Variants in CTNNA3 observed in about 807,000 individuals in gnomAD.
CTNNA3 encodes catenin alpha-3.
In CTNNA3, 76 loss-of-function variants were observed where a neutral mutation model predicts 95.7. The ratio of observed to expected loss-of-function variants is 0.79; its 90% CI spans 0.66 to 0.96. CTNNA3 has a LOEUF of 0.96. CTNNA3 is among the 40% of genes least tolerant of loss of function. The pLI is 0.00. For synonymous variants in CTNNA3, 431 were observed against 374.4 expected (o/e 1.15, Z -1.74); for missense variants, 1,191 against 1,089.8 (o/e 1.09, Z -1.31).
intron 3 of CTNNA3, among the ~76,000 whole-genome samples, chr10:67,562,151 C>T (rs1385954044): frequency 6.6e-6 from 1 of 152,200 alleles, no homozygotes; most frequent in Non-Finnish European, 1.5e-5. Flanking sequence ...AGGTCAGCAT[C>T]ATCCTGATAC....
chr10:66,395,723 T>C (rs1409684280), intron 11 of CTNNA3, among the ~76,000 whole-genome samples: 1 of 152,008 alleles, frequency 6.6e-6, no homozygotes, highest in East Asian at 1.9e-4. Context: ...CTGAACAAGA[T>C]CCCAATTTCA....
chr10:65,978,411 C>T (rs1257870783), intron 16 of CTNNA3, among the ~76,000 whole-genome samples: 1 of 151,178 alleles, frequency 6.6e-6, no homozygotes, highest in Non-Finnish European at 1.5e-5. Flanking sequence ...CACCAGCCTT[C>T]CCAGACTGTA....
intron 12 of CTNNA3, among the ~76,000 whole-genome samples, chr10:66,330,347 G>T (rs2092310067): frequency 6.6e-6 from 1 of 151,452 alleles, no homozygotes; most frequent in Admixed American, 6.6e-5. Flanking sequence ...GCCATAGTTT[G>T]CTAAGAATGA....
chr10:66,949,421 G>T (rs1323961736), intron 7 of CTNNA3, among the ~76,000 whole-genome samples: 1 of 152,180 alleles, frequency 6.6e-6, no homozygotes, highest in Non-Finnish European at 1.5e-5. Context: ...AGCCTGGCGT[G>T]TTGGCATATG....
intron 16 of CTNNA3, among the ~76,000 whole-genome samples, chr10:65,975,716 G>A (rs1284084567): frequency 2.0e-5 from 3 of 152,078 alleles, no homozygotes; most frequent in Non-Finnish European, 4.4e-5. Flanking sequence ...ATTTTAATTA[G>A]ATCTATTATT....
chr10:66,791,616 G>T (rs1284557207), intron 7 of CTNNA3, among the ~76,000 whole-genome samples: 1 of 152,078 alleles, frequency 6.6e-6, no homozygotes, highest in African/African-American at 2.4e-5. Flanking sequence ...TCCCCCAATA[G>T]ATATGAAAAT....
At chr10:66,462,843 CATT>C (rs1396155446) in intron 11 of CTNNA3, among the ~76,000 whole-genome samples, 10 of 152,038 alleles carry the variant, frequency 6.6e-5, no homozygotes, top group African/African-American at 2.4e-4. Flanking sequence ...TTCACAGTAT[CATT>C]ATAAATTTAA....
intron 11 of CTNNA3, among the ~76,000 whole-genome samples, chr10:66,409,460 T>C (rs2093084420): frequency 6.6e-6 from 1 of 152,156 alleles, no homozygotes; most frequent in South Asian, 2.1e-4. Flanking sequence ...TCTTCTTGGT[T>C]CAATAGTTAC....
At chr10:66,294,242 G>A (rs1307771770) in intron 12 of CTNNA3, among the ~76,000 whole-genome samples, 1 of 151,988 alleles carries the variant, frequency 6.6e-6, no homozygotes, top group Non-Finnish European at 1.5e-5. Flanking sequence ...TTTATCATCC[G>A]GTCATAATTA....
chr10:66,522,553 G>A (rs768832171), intron 10 of CTNNA3, among the ~76,000 whole-genome samples: 98 of 151,836 alleles, frequency 6.5e-4, no homozygotes, highest in Non-Finnish European at 1.1e-3. Flanking sequence ...CTGCCGCTAC[G>A]TAAAGAAGGA....
chr10:67,391,935 C>CA (rs1322136332), intron 5 of CTNNA3, among the ~76,000 whole-genome samples: 2 of 150,906 alleles, frequency 1.3e-5, no homozygotes, highest in Non-Finnish European at 2.9e-5. Context: ...AACGTTAGAC[C>CA]TAAAACCATA....
chr10:66,490,002 A>G (rs1409725561), intron 11 of CTNNA3, among the ~76,000 whole-genome samples: 1 of 152,200 alleles, frequency 6.6e-6, no homozygotes, highest in African/African-American at 2.4e-5. Flanking sequence ...TATTGTCAGC[A>G]TAGAGTAAAG....
At chr10:67,500,540 A>G (rs1407044500) in intron 5 of CTNNA3, among the ~76,000 whole-genome samples, 1 of 152,146 alleles carries the variant, frequency 6.6e-6, no homozygotes, top group East Asian at 1.9e-4. Context: ...AAAGTCTCCC[A>G]CTATTATTGT....
At chr10:67,707,313 T>C (rs1841083981) in intron 1 of CTNNA3, among the ~76,000 whole-genome samples, 1 of 152,176 alleles carries the variant, frequency 6.6e-6, no homozygotes, top group Non-Finnish European at 1.5e-5. Flanking sequence ...TCAACCTCTT[T>C]TACCTCAACT....
intron 7 of CTNNA3, among the ~76,000 whole-genome samples, chr10:67,094,087 G>A (rs920694975): frequency 1.3e-5 from 2 of 151,918 alleles, no homozygotes; most frequent in Non-Finnish European, 2.9e-5. Flanking sequence ...AACATATGAT[G>A]TTGATATAGA....
intron 5 of CTNNA3, among the ~76,000 whole-genome samples, chr10:67,450,683 T>C (rs1057002886): frequency 6.6e-6 from 1 of 152,056 alleles, no homozygotes; most frequent in African/African-American, 2.4e-5. Context: ...TATTGGGTAC[T>C]AGGCTTAATA....
intron 5 of CTNNA3, among the ~76,000 whole-genome samples, chr10:67,315,552 G>A (rs1841009770): frequency 6.6e-6 from 1 of 152,016 alleles, no homozygotes. Context: ...TTAGTAAAAA[G>A]CACTTACAAG....
intron 16 of CTNNA3, among the ~76,000 whole-genome samples, chr10:65,971,503 T>C (rs376005337): frequency 1.7e-4 from 26 of 149,318 alleles, no homozygotes; most frequent in African/African-American, 6.1e-4. Flanking sequence ...GCAACCAATA[T>C]CATAGAAATA....
At chr10:66,044,018 T>C (rs535956908) in intron 15 of CTNNA3, among the ~76,000 whole-genome samples, 115 of 148,768 alleles carry the variant, frequency 7.7e-4, no homozygotes, top group African/African-American at 2.7e-3. Context: ...GTGTTTGAGA[T>C]GGAGTCTCAC....
Sources: allele counts gnomAD v4.1 joint callset (sites outside exome capture counted in the v4.1 genomes callset), GRCh38; gene constraint gnomAD v4.1.1; transcripts MANE v1.5; gene names NCBI Gene and HGNC (gene_info 2026-07-23, HGNC 2026-07-21).